Variants in CD38 observed in about 807,000 individuals in gnomAD.
CD38 encodes the protein CD38 molecule.
A neutral mutation model predicts 36.3 loss-of-function variants in CD38; 31 were observed. That is an observed-to-expected ratio of 0.85 (90% confidence interval 0.64 to 1.15). The LOEUF is 1.15. CD38 is among the 50% of genes most tolerant of loss of function. The probability of loss-of-function intolerance (pLI) is 0.00; values close to 1 mark genes in which losing one functional copy is unlikely to be tolerated. For synonymous variants in CD38, 131 were observed against 135.2 expected, an observed-to-expected ratio of 0.97 and a Z score of 0.22; for missense variants, 380 against 371.9, an observed-to-expected ratio of 1.02 and a Z score of -0.18.
intron 2 of CD38, among the ~76,000 whole-genome samples, 182 bp from the exon 3 acceptor site, chr4:15,824,699 C>A (rs1450140339): frequency 3.3e-5 from 5 of 151,952 alleles, no homozygotes; most frequent in Non-Finnish European, 5.9e-5. Context: ...CACACACACA[C>A]ACTCTCTCTC....
intron 1 of CD38, among the ~76,000 whole-genome samples, chr4:15,790,423 C>T (rs1405126692): frequency 2.0e-5 from 3 of 152,086 alleles, no homozygotes; most frequent in Non-Finnish European, 4.4e-5. Flanking sequence ...AGTGATCCGC[C>T]GGCCTCGGCC....
At chr4:15,806,645 A>G (rs1036297245) in intron 1 of CD38, among the ~76,000 whole-genome samples, 1 of 152,184 alleles carries the variant, frequency 6.6e-6, no homozygotes, top group African/African-American at 2.4e-5. Context: ...CAGAGAAGGC[A>G]GAAGAAAGTG....
At chr4:15,808,001 A>G (rs145839652) in intron 1 of CD38, among the ~76,000 whole-genome samples, 6 of 152,258 alleles carry the variant, frequency 3.9e-5, no homozygotes, top group African/African-American at 1.2e-4. Context: ...GCCTGAAAGC[A>G]TATGTCTCAT....
At chr4:15,826,486 C>CACAA (rs1723853233) in intron 3 of CD38, among the ~76,000 whole-genome samples, 1 of 151,976 alleles carries the variant, frequency 6.6e-6, no homozygotes, top group African/African-American at 2.4e-5. Context: ...CACACACACA[C>CACAA]ACACACACAC....
At chr4:15,789,079 C>T (rs949287999) in intron 1 of CD38, among the ~76,000 whole-genome samples, 1 of 152,138 alleles carries the variant, frequency 6.6e-6, no homozygotes, top group African/African-American at 2.4e-5. Context: ...TCTTGGTAAA[C>T]CTGGCAAACA....
intron 3 of CD38, among the ~76,000 whole-genome samples, chr4:15,827,367 A>G (rs943307308): frequency 5.3e-5 from 8 of 152,096 alleles, no homozygotes; most frequent in Non-Finnish European, 1.0e-4. Flanking sequence ...TCTTCCTTAT[A>G]GCTTCTGTGT....
At chr4:15,838,299 T>G (rs1724115635) in intron 5 of CD38, 134 bp downstream of exon 5, 1 of 705,460 alleles carries the variant, frequency 1.4e-6, no homozygotes, top group Non-Finnish European at 2.4e-6. Context: ...AGGTAAAAAT[T>G]TTGAATTCCG....
chr4:15,786,057 C>G, intron 1 of CD38, among the ~76,000 whole-genome samples: 1 of 152,190 alleles, frequency 6.6e-6, no homozygotes, highest in East Asian at 1.9e-4. Flanking sequence ...CATGGTCTCA[C>G]TGTGCTCAGG....
In CD38 at chr4:15,851,265, G is replaced by A. The variant is rs965855427; in HGVS notation, c.*2663G>A. The A allele has an allele frequency of 1.3e-5, 2 of 152,144 alleles. No homozygotes were observed. The highest frequency in any genetic ancestry group is 4.8e-5 in the African/African-American group (2 of 41,394). The allele number at this position is 152,144 out of a possible 1,614,324, so 9.4% of individuals were successfully genotyped here. A position where few individuals can be genotyped will look rare whatever the true frequency, so the allele number is the denominator to read the frequency against. ...GTATCTTTGCCATCTCTGGCCCGAA[G>A]GACTTTCTGACCTACATGTATAAAT... is the stretch of plus-strand genomic sequence containing the variant. On this transcript the variant is annotated 3_prime_UTR_variant, in exon 8 of 8. Transcript: ENST00000226279.
intron 1 of CD38, among the ~76,000 whole-genome samples, chr4:15,807,579 A>G (rs1379287250): frequency 6.6e-6 from 1 of 152,144 alleles, no homozygotes; most frequent in African/African-American, 2.4e-5. Context: ...GTCATTATCA[A>G]CATCTCCACA....
intron 1 of CD38, among the ~76,000 whole-genome samples, chr4:15,795,396 A>C (rs1723085472): frequency 6.6e-6 from 1 of 152,126 alleles, no homozygotes. Context: ...TTAAAGACCA[A>C]AAAGGTGAAA....
At chr4:15,836,966 C>T (rs1034664337) in intron 4 of CD38, among the ~76,000 whole-genome samples, 1 of 152,202 alleles carries the variant, frequency 6.6e-6, no homozygotes, top group South Asian at 2.1e-4. Context: ...CATCCTATAA[C>T]ATAACCCAAA....
At chr4:15,836,663 G>A (rs1724075096) in intron 4 of CD38, among the ~76,000 whole-genome samples, 3 of 152,180 alleles carry the variant, frequency 2.0e-5, no homozygotes, top group African/African-American at 7.2e-5. Flanking sequence ...TGATTCCAAA[G>A]CCATGCTCTT....
chr4:15,811,791 A>G (rs1723477111), intron 1 of CD38, among the ~76,000 whole-genome samples: 1 of 152,306 alleles, frequency 6.6e-6, no homozygotes, highest in Middle Eastern at 3.4e-3. Flanking sequence ...GATCTGGGAC[A>G]AGTTTTATGG....
rs1210730656 is a variant in CD38 at position 15,850,462 on chromosome 4, A to G, written c.*1860A>G. 1.3e-5 allele frequency: 2 copies of G among 152,242 alleles called. No individual in the cohort carries two copies. The highest frequency in any genetic ancestry group is 2.9e-5 in the Non-Finnish European group (2 of 68,038). The allele number at this position is 152,242 out of a possible 1,614,324, so 9.4% of individuals were successfully genotyped here. ...TTTTGACATCATGCTGTCATCTTGAACAAAATGCCTAACCTTTCTGAACTT... is the reference window on the plus strand; with the variant it reads ...TTTTGACATCATGCTGTCATCTTGAGCAAAATGCCTAACCTTTCTGAACTT... On this transcript the variant is annotated 3_prime_UTR_variant, in exon 8 of 8. Transcript: ENST00000226279.
rs1251897642 is a variant in CD38, at chr4:15,849,868, T to C, written c.*1266T>C. On this transcript the variant is annotated 3_prime_UTR_variant, in exon 8 of 8. Transcript: ENST00000226279. Reference sequence around the variant, plus strand: ...TGTATACATAGATTTTAGGACGATATATTTTCCCTTGAGTTCTGCTTTAGC... The same window carrying C: ...TGTATACATAGATTTTAGGACGATACATTTTCCCTTGAGTTCTGCTTTAGC... The C allele has an allele frequency of 6.6e-6, 1 of 152,200 alleles. No individual in the cohort carries two copies. Among genetic ancestry groups the C allele is most frequent in the African/African-American group, 2.4e-5 (1 of 41,454 alleles). The allele number at this position is 152,200 out of a possible 1,614,324, so 9.4% of individuals were successfully genotyped here.
At chr4:15,835,089 T>C (rs373522694) in intron 4 of CD38, among the ~76,000 whole-genome samples, 1 of 152,144 alleles carries the variant, frequency 6.6e-6, no homozygotes. Context: ...TTATTAACTG[T>C]AGTCCTCCTA....
intron 1 of CD38, among the ~76,000 whole-genome samples, chr4:15,798,792 A>G (rs1196218106): frequency 6.6e-6 from 1 of 152,188 alleles, no homozygotes; most frequent in Non-Finnish European, 1.5e-5. Flanking sequence ...TTATTTTTTT[A>G]ATTCCCTGAT....
At chr4:15,827,260 G>C (rs1379302965) in intron 3 of CD38, among the ~76,000 whole-genome samples, 1 of 152,074 alleles carries the variant, frequency 6.6e-6, no homozygotes, top group Non-Finnish European at 1.5e-5. Context: ...CCCACTTTCT[G>C]GCTCAAGTTG....
Sources: gnomAD v4.1 joint callset for allele counts (sites outside exome capture counted in the v4.1 genomes callset) on GRCh38, gnomAD v4.1.1 for gene constraint, MANE v1.5 for transcripts, NCBI Gene and HGNC (gene_info 2026-07-23, HGNC 2026-07-21) for gene names.